RPSA2: variants seen among roughly 807,000 people sequenced by gnomAD.
RPSA2 encodes the protein ribosomal protein SA 2.
At chr19:23,759,600 A>C in the RPSA2 span, among the ~76,000 whole-genome samples, 144,375 of 147,564 alleles carry the variant, frequency 0.98, 70,721 homozygotes, top group Middle Eastern at 1. Flanking sequence ...CTCAGATCAC[A>C]ACAACCTCTG....
the RPSA2 span, among the ~76,000 whole-genome samples, chr19:23,765,883 G>A: frequency 6.6e-6 from 1 of 152,116 alleles, no homozygotes; most frequent in African/African-American, 2.4e-5. Context: ...AGATGAACAG[G>A]GTTCAACATA....
the RPSA2 span, among the ~76,000 whole-genome samples, chr19:23,789,201 A>G: frequency 6.6e-6 from 1 of 151,828 alleles, no homozygotes; most frequent in African/African-American, 2.4e-5. Flanking sequence ...GGGCTTCACC[A>G]TGCTGGCCAG....
chr19:23,776,902 C>T, the RPSA2 span, among the ~76,000 whole-genome samples: 1 of 152,198 alleles, frequency 6.6e-6, no homozygotes, highest in African/African-American at 2.4e-5. Context: ...CCTCCCCTCT[C>T]CTACCCTGTG....
the RPSA2 span, chr19:23,828,125 A>AAAAAAAG: frequency 1.7e-6 from 1 of 571,666 alleles, no homozygotes; most frequent in Non-Finnish European, 2.8e-6. Context: ...TAAAAAAAAA[A>AAAAAAAG]AAAAAAAAAA....
At chr19:23,773,267 GATAT>G in the RPSA2 span, among the ~76,000 whole-genome samples, 144,492 of 148,258 alleles carry the variant, frequency 0.97, 70,495 homozygotes, top group Middle Eastern at 1. Flanking sequence ...TGGCTAATTT[GATAT>G]ATATATATAT....
chr19:23,838,266 C>A, the RPSA2 span, among the ~76,000 whole-genome samples: 4 of 147,872 alleles, frequency 2.7e-5, no homozygotes, highest in African/African-American at 1.0e-4. Flanking sequence ...TGTGTTAAAC[C>A]ATCCCTGCAT....
the RPSA2 span, among the ~76,000 whole-genome samples, chr19:23,830,627 A>G: frequency 6.6e-6 from 1 of 150,530 alleles, no homozygotes; most frequent in African/African-American, 2.4e-5. Context: ...TTACCTCCAC[A>G]ATTTTTGTTT....
chr19:23,838,715 T>C, the RPSA2 span, among the ~76,000 whole-genome samples: 1 of 152,070 alleles, frequency 6.6e-6, no homozygotes, highest in African/African-American at 2.4e-5. Context: ...CTATGTTTTC[T>C]AGCTTATGTG....
At chr19:23,841,817 C>A in the RPSA2 span, among the ~76,000 whole-genome samples, 1 of 152,334 alleles carries the variant, frequency 6.6e-6, no homozygotes, top group Non-Finnish European at 1.5e-5. Flanking sequence ...AACCAGGTTA[C>A]ATATTAGCAG....
the RPSA2 span, among the ~76,000 whole-genome samples, chr19:23,847,937 C>G: frequency 6.6e-6 from 1 of 152,158 alleles, no homozygotes; most frequent in South Asian, 2.1e-4. Flanking sequence ...AAATGTGGCT[C>G]TTTTTGCCTG....
the RPSA2 span, among the ~76,000 whole-genome samples, chr19:23,863,644 T>C: frequency 6.6e-6 from 1 of 151,476 alleles, no homozygotes; most frequent in South Asian, 2.1e-4. Context: ...TGTATAGGAC[T>C]TGATTTCTGT....
At chr19:23,792,805 G>T in the RPSA2 span, among the ~76,000 whole-genome samples, 1 of 151,970 alleles carries the variant, frequency 6.6e-6, no homozygotes, top group Non-Finnish European at 1.5e-5. Context: ...GAGCCACCGC[G>T]CCAGGCCAAG....
chr19:23,843,860 A>C, the RPSA2 span, among the ~76,000 whole-genome samples: 3 of 152,202 alleles, frequency 2.0e-5, no homozygotes, highest in East Asian at 5.8e-4. Context: ...CCTGGGTTCA[A>C]GCGATTCTCC....
chr19:23,818,009 TCATTG>T, the RPSA2 span: 22 of 152,184 alleles, frequency 1.4e-4, no homozygotes, highest in Admixed American at 1.4e-3. Flanking sequence ...GTTTTTCCCA[TCATTG>T]CTCTATGGGA....
the RPSA2 span, among the ~76,000 whole-genome samples, chr19:23,763,524 T>C: frequency 1.3e-5 from 2 of 152,218 alleles, no homozygotes; most frequent in Non-Finnish European, 2.9e-5. Context: ...TCGCCCAGGC[T>C]GAAGTGCAGT....
chr19:23,836,276 G>A, the RPSA2 span, among the ~76,000 whole-genome samples: 4 of 151,920 alleles, frequency 2.6e-5, no homozygotes, highest in East Asian at 1.9e-4. Flanking sequence ...GTTACTTCAC[G>A]TAGAATAATA....
chr19:23,864,867 G>A, the RPSA2 span, among the ~76,000 whole-genome samples: 1 of 152,096 alleles, frequency 6.6e-6, no homozygotes, highest in Admixed American at 6.5e-5. Flanking sequence ...ACTAAGTCAA[G>A]CAGATGACTG....
At chr19:23,781,271 C>T in the RPSA2 span, among the ~76,000 whole-genome samples, 5 of 151,684 alleles carry the variant, frequency 3.3e-5, no homozygotes, top group African/African-American at 1.2e-4. Flanking sequence ...CATGCGTGGC[C>T]TCGGGTTAGT....
the RPSA2 span, among the ~76,000 whole-genome samples, chr19:23,760,445 A>G: frequency 6.6e-6 from 1 of 152,018 alleles, no homozygotes. Flanking sequence ...GTCATGAACG[A>G]TGATGTTGAC....
Sources: allele counts gnomAD v4.1 joint callset (sites outside exome capture counted in the v4.1 genomes callset), GRCh38; gene constraint gnomAD v4.1.1; transcripts MANE v1.5; gene names NCBI Gene and HGNC (gene_info 2026-07-23, HGNC 2026-07-21).